The following CEP128 variants were observed in gnomAD, a reference collection of about 807,000 sequenced individuals.
The protein encoded by CEP128 is centrosomal protein 128, also known as centrosomal protein 128kDa.
A neutral mutation model predicts 156.7 loss-of-function variants in CEP128; 132 were observed. The observed-to-expected ratio is 0.84, with a 90% CI of 0.73 to 0.97. The LOEUF (loss-of-function observed/expected upper bound fraction) is 0.97. Among genes scored for constraint, CEP128 ranks in the 50% least tolerant of loss-of-function variants. The pLI is 0.00. For synonymous variants in CEP128, 469 were observed against 448.9 expected, an observed-to-expected ratio of 1.04 and a Z score of -0.57; for missense variants, 1,252 against 1,281.9, an observed-to-expected ratio of 0.98 and a Z score of 0.36.
At chr14:80,725,339 C>A (rs866837270) in intron 19 of CEP128, among the ~76,000 whole-genome samples, 13 of 151,866 alleles carry the variant, frequency 8.6e-5, no homozygotes, top group Middle Eastern at 6.8e-3. Context: ...CCCACCATGA[C>A]GCCCGGCTAA....
intron 19 of CEP128, among the ~76,000 whole-genome samples, chr14:80,699,880 G>A (rs556786524): frequency 2.5e-4 from 38 of 152,032 alleles, no homozygotes; most frequent in Non-Finnish European, 5.4e-4. Context: ...TTCCAAGCAG[G>A]GTGCTAACTT....
chr14:80,508,479 G>T (rs1888090732), intron 23 of CEP128, among the ~76,000 whole-genome samples: 1 of 151,980 alleles, frequency 6.6e-6, no homozygotes, highest in South Asian at 2.1e-4. Context: ...TCTCTATCAT[G>T]ATCATCATTA....
intron 8 of CEP128, among the ~76,000 whole-genome samples, chr14:80,888,667 C>A (rs766742311): frequency 1.8e-4 from 27 of 152,090 alleles, no homozygotes; most frequent in Middle Eastern, 3.2e-3. Context: ...AACCCATACC[C>A]ATATCATACT....
chr14:80,505,814 T>C (rs1357715055), intron 23 of CEP128, among the ~76,000 whole-genome samples: 2 of 152,220 alleles, frequency 1.3e-5, no homozygotes, highest in Non-Finnish European at 2.9e-5. Flanking sequence ...ACTTATTTAC[T>C]GTACTTGTGG....
intron 8 of CEP128, among the ~76,000 whole-genome samples, chr14:80,879,466 T>A (rs1170548021): frequency 2.6e-5 from 4 of 151,866 alleles, no homozygotes; most frequent in African/African-American, 7.3e-5. Flanking sequence ...CAACTCATGA[T>A]CTGAATGAGA....
intron 19 of CEP128, among the ~76,000 whole-genome samples, chr14:80,658,573 ATAC>A: frequency 6.6e-6 from 1 of 152,212 alleles, no homozygotes; most frequent in Non-Finnish European, 1.5e-5. Context: ...TCCAAAAACA[ATAC>A]TACAAAAGTA....
At chr14:80,585,264 A>G (rs1296651588) in intron 19 of CEP128, among the ~76,000 whole-genome samples, 1 of 152,230 alleles carries the variant, frequency 6.6e-6, no homozygotes, top group Non-Finnish European at 1.5e-5. Context: ...ATCACGACCA[A>G]GTTTTTGGCT....
intron 19 of CEP128, among the ~76,000 whole-genome samples, chr14:80,730,470 GT>G (rs1898223415): frequency 6.6e-6 from 1 of 152,182 alleles, no homozygotes; most frequent in Non-Finnish European, 1.5e-5. Flanking sequence ...ACAGACCCAG[GT>G]GAACTTCTAG....
intron 22 of CEP128, among the ~76,000 whole-genome samples, chr14:80,529,280 G>A (rs991041317): frequency 2.0e-5 from 3 of 152,114 alleles, no homozygotes; most frequent in African/African-American, 7.2e-5. Context: ...TTCAATTTCA[G>A]TATATTGGGA....
At chr14:80,934,042 A>T (rs1885641745) in intron 2 of CEP128, among the ~76,000 whole-genome samples, 1 of 152,166 alleles carries the variant, frequency 6.6e-6, no homozygotes, top group Non-Finnish European at 1.5e-5. Context: ...GGATCCATGC[A>T]AGCAAGTCAC....
chr14:80,711,208 C>A (rs1897389526), intron 19 of CEP128, among the ~76,000 whole-genome samples: 1 of 151,746 alleles, frequency 6.6e-6, no homozygotes, highest in African/African-American at 2.4e-5. Flanking sequence ...CTAAAATAAT[C>A]CTGTATTACT....
intron 19 of CEP128, among the ~76,000 whole-genome samples, chr14:80,661,246 C>T (rs886537077): frequency 6.6e-6 from 1 of 152,166 alleles, no homozygotes. Context: ...TCCTCTTCTG[C>T]TCCATTTTCA....
chr14:80,579,998 A>T (rs576487501), intron 20 of CEP128, among the ~76,000 whole-genome samples: 1 of 152,340 alleles, frequency 6.6e-6, no homozygotes, highest in Admixed American at 6.5e-5. Flanking sequence ...AGTAGATGAC[A>T]CCCATGGGGT....
intron 8 of CEP128, among the ~76,000 whole-genome samples, chr14:80,869,877 A>T (rs967997624): frequency 6.6e-6 from 1 of 152,076 alleles, no homozygotes; most frequent in African/African-American, 2.4e-5. Context: ...AAAAAAGAGT[A>T]ATGACTCAAG....
Position 80,605,351 on chromosome 14 carries a change from T to G in CEP128, c.2807-24928A>C, listed in dbSNP as rs953446955. Among the ~76,000 whole-genome samples, 3 of 152,034 alleles carry G rather than the reference T, an allele frequency of 2.0e-5. 1 individual carries two copies. The East Asian group carries it at 5.8e-4, about 29-fold the overall frequency. ...AAACCTTTTAGGAATCCAAACAGAT[T>G]CTTAGTTTAAATAATTATTTTTGTT... is the stretch of plus-strand genomic sequence containing the variant. On this transcript the variant is annotated intron_variant, in intron 19 of 24. Coordinates refer to ENST00000555265, the MANE Select transcript of CEP128 (RefSeq NM_152446.5).
At chr14:80,696,523 G>T (rs1896897273) in intron 19 of CEP128, among the ~76,000 whole-genome samples, 1 of 152,290 alleles carries the variant, frequency 6.6e-6, no homozygotes, top group East Asian at 1.9e-4. Flanking sequence ...GCTGATAAAG[G>T]AGGTTGGAAA....
intron 19 of CEP128, among the ~76,000 whole-genome samples, chr14:80,734,846 C>CAAAAAAAAA (rs397798792): frequency 4.8e-5 from 3 of 62,052 alleles, no homozygotes; most frequent in Non-Finnish European, 6.3e-5. Flanking sequence ...GACCCCATCT[C>CAAAAAAAAA]AAAAAAAAAA....
chr14:80,931,701 G>A (rs985900923), intron 2 of CEP128, among the ~76,000 whole-genome samples: 2 of 152,138 alleles, frequency 1.3e-5, no homozygotes, highest in Non-Finnish European at 2.9e-5. Flanking sequence ...GTCACTTCAC[G>A]GGAAAACGAC....
chr14:80,864,055 C>T (rs1595516361), intron 8 of CEP128, among the ~76,000 whole-genome samples: 1 of 152,310 alleles, frequency 6.6e-6, no homozygotes, highest in Middle Eastern at 3.4e-3. Flanking sequence ...GCCTACTCAA[C>T]TTGAAGGCGG....
Sources: gnomAD v4.1 joint callset for allele counts (sites outside exome capture counted in the v4.1 genomes callset) on GRCh38, gnomAD v4.1.1 for gene constraint, MANE v1.5 for transcripts, NCBI Gene and HGNC (gene_info 2026-07-23, HGNC 2026-07-21) for gene names.